The following C1orf87 variants were observed in gnomAD, a reference collection of about 807,000 sequenced individuals.
C1orf87 encodes the protein uncharacterized protein C1orf87.
Under a neutral mutation model 60.5 loss-of-function variants are expected in C1orf87, and 58 were observed. The observed-to-expected ratio is 0.96, with a 90% confidence interval of 0.78 to 1.19. The LOEUF (loss-of-function observed/expected upper bound fraction) is 1.19. Ranked by LOEUF, C1orf87 falls within the 50% of genes most tolerant of loss-of-function variation. The pLI, the probability that C1orf87 is intolerant of heterozygous loss-of-function variation, is 0.00. For missense variants in C1orf87, 673 were observed against 638.6 expected (o/e 1.05, Z -0.58); for synonymous variants, 236 against 227.4 (o/e 1.04, Z -0.34).
Position 60,040,629 on chromosome 1 carries a change from C to T in C1orf87, c.483+362G>A, listed in dbSNP as rs139514552. ...GCAATCCTAGAAAAGGAGGAAGGTG[C>T]GAGGAGCATGAGGAGTTCGGTTGAA... On this transcript the variant is annotated intron_variant, in intron 4 of 11. Coordinates refer to ENST00000371201, the MANE Select transcript of C1orf87 (RefSeq NM_152377.3). 7.9e-5 allele frequency among the ~76,000 whole-genome samples: 12 copies of T among 152,170 alleles called. 1 individual carries two copies. In the East Asian group the frequency reaches 2.1e-3, roughly 27 times the overall value.
At chr1:60,021,486 T>A (rs983435548) in intron 8 of C1orf87, among the ~76,000 whole-genome samples, 1 of 152,124 alleles carries the variant, frequency 6.6e-6, no homozygotes, top group African/African-American at 2.4e-5. Flanking sequence ...AAGTTGCTCA[T>A]GAGATAGGGA....
Position 60,022,652 on chromosome 1 carries a change from AT to A in C1orf87, c.1127+2748del, listed in dbSNP as rs552330553. ...GTAGATCTTAGAAACCTCAGCATAC[AT>A]TTTTTTTCCCTCATTAAGTTGAAAG... is the stretch of plus-strand genomic sequence containing the variant. On this transcript the variant is annotated intron_variant, in intron 8 of 11. Coordinates refer to ENST00000371201, the MANE Select transcript of C1orf87 (RefSeq NM_152377.3). Among the ~76,000 whole-genome samples, 7 of 151,920 alleles carry A rather than the reference AT, an allele frequency of 4.6e-5. No individual in the cohort carries two copies. The East Asian group carries it at 5.8e-4, about 13-fold the overall frequency.
intron 3 of C1orf87, among the ~76,000 whole-genome samples, chr1:60,052,796 C>A (rs1022413453): frequency 6.6e-6 from 1 of 152,182 alleles, no homozygotes; most frequent in Non-Finnish European, 1.5e-5. Context: ...TTTGTAACTG[C>A]GGCAGGATTC....
chr1:60,058,483 A>G (rs978761034), intron 2 of C1orf87, among the ~76,000 whole-genome samples: 1 of 152,232 alleles, frequency 6.6e-6, no homozygotes, highest in African/African-American at 2.4e-5. Flanking sequence ...GTACTATTTG[A>G]AGTTCATAAG....
At chr1:60,051,618 T>C (rs529435486) in intron 3 of C1orf87, among the ~76,000 whole-genome samples, 15 of 152,268 alleles carry the variant, frequency 9.9e-5, no homozygotes, top group African/African-American at 3.6e-4. Flanking sequence ...ATGATTATTG[T>C]TATAAACCAC....
At chr1:60,050,242 T>C (rs1258164347) in intron 3 of C1orf87, among the ~76,000 whole-genome samples, 1 of 152,050 alleles carries the variant, frequency 6.6e-6, no homozygotes, top group Non-Finnish European at 1.5e-5. Context: ...TGTTAACATT[T>C]TATGTACAAG....
chr1:60,003,604 AG>A (rs563302942), intron 9 of C1orf87, among the ~76,000 whole-genome samples: 24 of 152,240 alleles, frequency 1.6e-4, no homozygotes, highest in African/African-American at 5.5e-4. Flanking sequence ...TCAATTTAAA[AG>A]CCATTTGTTA....
At chr1:60,072,809 G>A (rs1039729443) in intron 1 of C1orf87, 139 bp from the exon 2 acceptor site, 6 of 544,964 alleles carry the variant, frequency 1.1e-5, no homozygotes, top group Non-Finnish European at 1.9e-5. Flanking sequence ...TCCTAACAAA[G>A]GCATGAGAAA....
At chr1:60,037,001 C>A (rs1645282430) in intron 6 of C1orf87, among the ~76,000 whole-genome samples, 2 of 152,166 alleles carry the variant, frequency 1.3e-5, no homozygotes, top group African/African-American at 4.8e-5. Context: ...TTTCACACAG[C>A]AACCTCATAA....
At chr1:60,026,922 T>C (rs1398546056) in intron 7 of C1orf87, among the ~76,000 whole-genome samples, 4 of 152,268 alleles carry the variant, frequency 2.6e-5, no homozygotes, top group African/African-American at 4.8e-5. Context: ...GTATAAGTGA[T>C]ATACAAAACA....
intron 8 of C1orf87, 125 bp downstream of exon 8, chr1:60,025,276 C>A: frequency 1.4e-6 from 1 of 694,782 alleles, no homozygotes; most frequent in Non-Finnish European, 2.4e-6. Context: ...ATGACATCAT[C>A]TAAACCTAAT....
chr1:60,016,255 A>G (rs1182129703), intron 8 of C1orf87, among the ~76,000 whole-genome samples: 3 of 152,214 alleles, frequency 2.0e-5, no homozygotes, highest in Non-Finnish European at 4.4e-5. Flanking sequence ...TTCTAAAAGG[A>G]AAACCAACTC....
At chr1:60,018,105 T>C (rs1645136380) in intron 8 of C1orf87, among the ~76,000 whole-genome samples, 3 of 152,316 alleles carry the variant, frequency 2.0e-5, no homozygotes, top group South Asian at 2.1e-4. Context: ...GGGTTCCCAA[T>C]TGAACAGCAG....
intron 11 of C1orf87, among the ~76,000 whole-genome samples, chr1:59,993,240 A>C (rs777921373): frequency 1.0e-4 from 14 of 137,430 alleles, no homozygotes; most frequent in Non-Finnish European, 7.4e-5. Flanking sequence ...AAATAAATAC[A>C]TAAATACATA....
chr1:60,005,026 A>C (rs1645033439), intron 9 of C1orf87, among the ~76,000 whole-genome samples: 1 of 152,064 alleles, frequency 6.6e-6, no homozygotes. Flanking sequence ...AAAATTCCCT[A>C]GGTGATTCTA....
At chr1:60,058,319 C>T (rs1350688144) in intron 2 of C1orf87, among the ~76,000 whole-genome samples, 3 of 152,038 alleles carry the variant, frequency 2.0e-5, no homozygotes, top group Admixed American at 6.6e-5. Context: ...TGTGAGAATT[C>T]AGTGAGTGGT....
intron 8 of C1orf87, among the ~76,000 whole-genome samples, chr1:60,024,961 T>A (rs1470260506): frequency 6.6e-6 from 1 of 152,202 alleles, no homozygotes; most frequent in African/African-American, 2.4e-5. Context: ...CTTAACTCCA[T>A]CAAGTGATGA....
chr1:60,044,629 A>T (rs1394103527), intron 3 of C1orf87, among the ~76,000 whole-genome samples: 10 of 152,302 alleles, frequency 6.6e-5, no homozygotes, highest in Non-Finnish European at 1.5e-4. Context: ...GGTTCAGGCC[A>T]GCTGCAGGCT....
intron 7 of C1orf87, among the ~76,000 whole-genome samples, chr1:60,026,854 C>A (rs1437840277): frequency 6.6e-6 from 1 of 152,110 alleles, no homozygotes; most frequent in African/African-American, 2.4e-5. Flanking sequence ...TTAACACAAA[C>A]CTCGTTTCAT....
Sources: allele counts gnomAD v4.1 joint callset (sites outside exome capture counted in the v4.1 genomes callset), GRCh38; gene constraint gnomAD v4.1.1; transcripts MANE v1.5; gene names NCBI Gene and HGNC (gene_info 2026-07-23, HGNC 2026-07-21).